Variants in RGS8 observed in about 807,000 individuals in gnomAD.
RGS8 encodes regulator of G protein signaling 8.
Under a neutral mutation model 21.7 loss-of-function variants are expected in RGS8, and 8 were observed. The observed-to-expected ratio is 0.37, with a 90% CI of 0.22 to 0.66. RGS8 has a LOEUF of 0.66. RGS8 is among the 30% of genes least tolerant of loss of function. RGS8 has a pLI of 0.59. For synonymous variants in RGS8, 80 were observed against 83.6 expected (o/e 0.96, Z 0.24); for missense variants, 157 against 217.9 (o/e 0.72, Z 1.76).
the RGS8 span, among the ~76,000 whole-genome samples, chr1:182,697,595 G>GA: frequency 6.6e-6 from 1 of 152,168 alleles, no homozygotes; most frequent in African/African-American, 2.4e-5. Context: ...GACCACATAA[G>GA]AAGAACCCTT....
chr1:182,745,559 A>G, the RGS8 span, among the ~76,000 whole-genome samples: 1 of 152,248 alleles, frequency 6.6e-6, no homozygotes, highest in East Asian at 1.9e-4. Context: ...ATCATTTCAT[A>G]ATTGACTTCA....
chr1:182,656,557 T>G (rs9661855), intron 5 of RGS8, among the ~76,000 whole-genome samples: 2 of 152,158 alleles, frequency 1.3e-5, no homozygotes, highest in African/African-American at 4.8e-5. Context: ...GGCCAGGGGA[T>G]GCTGTAACGA....
the RGS8 span, among the ~76,000 whole-genome samples, chr1:182,698,673 T>TG: frequency 6.6e-6 from 1 of 152,184 alleles, no homozygotes; most frequent in Non-Finnish European, 1.5e-5. Context: ...TTTTTGTGGG[T>TG]GAAAAAAGTC....
In RGS8 at chr1:182,655,527, T is replaced by C. The variant is rs540163196; in HGVS notation, c.194-7224A>G. 1.7e-3 allele frequency among the ~76,000 whole-genome samples: 265 copies of C among 152,278 alleles called. 2 individuals carry two copies. The highest frequency in any genetic ancestry group is 6.2e-3 in the African/African-American group (259 of 41,558). On this transcript the variant is annotated intron_variant, in intron 5 of 6. Coordinates refer to ENST00000483095, the Ensembl canonical transcript of RGS8. ...GAGTTGGAGATGTGTGGTGAACTCA[T>C]AGCCAGCTCTCATTACCTGGCAGCC...
chr1:182,730,470 G>T, the RGS8 span, among the ~76,000 whole-genome samples: 48,801 of 151,836 alleles, frequency 0.32, 7,849 homozygotes, highest in African/African-American at 0.36. Context: ...AGTACTTTGG[G>T]AGGCCAAAGT....
chr1:182,646,669 T>C, exon 7 of RGS8: 2 of 1,445,556 alleles, frequency 1.4e-6, no homozygotes, highest in East Asian at 2.3e-5. Flanking sequence ...CATTTCACAT[T>C]AGAATATGAT....
At chr1:182,672,729 A>C (rs1344430158), upstream of RGS8, 8 of 1,474,024 alleles carry the variant, frequency 5.4e-6, no homozygotes, top group Non-Finnish European at 7.6e-6. Context: ...TTTGTTATGG[A>C]GTGAGACTTT....
upstream of RGS8, among the ~76,000 whole-genome samples, chr1:182,686,624 A>T (rs1306822022): frequency 1.3e-5 from 2 of 152,246 alleles, no homozygotes; most frequent in African/African-American, 4.8e-5. Context: ...GAGGAAAAGC[A>T]GACTTTGACC....
At chr1:182,676,991 CA>C (rs1307854813), upstream of RGS8, among the ~76,000 whole-genome samples, 4 of 152,162 alleles carry the variant, frequency 2.6e-5, no homozygotes, top group Admixed American at 6.5e-5. Context: ...CAGTACATCA[CA>C]CCCTATTATT....
At chr1:182,668,908 C>T (rs1664013084) in intron 3 of RGS8, among the ~76,000 whole-genome samples, 1 of 152,172 alleles carries the variant, frequency 6.6e-6, no homozygotes, top group African/African-American at 2.4e-5. Context: ...CAGACCAAAG[C>T]CCAACTTTCA....
the RGS8 span, among the ~76,000 whole-genome samples, chr1:182,698,399 G>A: frequency 2.0e-5 from 3 of 152,152 alleles, no homozygotes; most frequent in South Asian, 2.1e-4. Context: ...TAACCCTGCC[G>A]TGCCTCAGTT....
the RGS8 span, among the ~76,000 whole-genome samples, chr1:182,735,812 T>A: frequency 6.6e-6 from 1 of 152,210 alleles, no homozygotes; most frequent in African/African-American, 2.4e-5. Context: ...TCATGATTGA[T>A]CCTGATCAGC....
At chr1:182,668,296 C>T (rs1663974933) in intron 3 of RGS8, among the ~76,000 whole-genome samples, 1 of 152,212 alleles carries the variant, frequency 6.6e-6, no homozygotes, top group Non-Finnish European at 1.5e-5. Context: ...TTAAGAGTGA[C>T]TTAGAAAAAG....
downstream of RGS8, chr1:182,643,028 GGGAAACAGTCTAGGA>G (rs933982627): frequency 1.3e-5 from 2 of 152,244 alleles, no homozygotes; most frequent in Non-Finnish European, 2.9e-5. Context: ...AAACAGACAG[GGGAAACAGTCTAGGA>G]GACAAGCTTG....
At chr1:182,722,280 T>C in the RGS8 span, among the ~76,000 whole-genome samples, 1 of 150,434 alleles carries the variant, frequency 6.6e-6, no homozygotes, top group Non-Finnish European at 1.5e-5. Flanking sequence ...AAGAGTAATT[T>C]GGTCACCTAA....
At position 182,649,979 on chromosome 1, in the gene RGS8, C is replaced by G. The variant is rs1662924860; in HGVS notation, c.194-1676G>C. Among the ~76,000 whole-genome samples the G allele has an allele frequency of 2.0e-5, 3 of 149,818 alleles. No homozygotes were observed. In the South Asian group the frequency reaches 6.3e-4, roughly 31 times the overall value. ...CACGCTGGAGTGCAGTGGCACAGTT[C>G]CGACTCACTGCAACCTGTGCCTCCC... On this transcript the variant is annotated intron_variant, in intron 5 of 6. Transcript: ENST00000483095.
chr1:182,726,270 A>C, the RGS8 span, among the ~76,000 whole-genome samples: 1 of 152,030 alleles, frequency 6.6e-6, no homozygotes. Flanking sequence ...TTCTCTGTAG[A>C]ATGTTTTCAA....
the RGS8 span, among the ~76,000 whole-genome samples, chr1:182,727,672 T>C: frequency 6.6e-6 from 1 of 152,118 alleles, no homozygotes. Flanking sequence ...ATCTATTCTG[T>C]ATTTTTCTAC....
intron 4 of RGS8, 88 bp downstream of exon 5, chr1:182,666,784 T>C: frequency 1.1e-6 from 1 of 925,272 alleles, no homozygotes; most frequent in East Asian, 2.4e-5. Flanking sequence ...ATTTTTCCAG[T>C]GGCTCATCTG....
Sources: gnomAD v4.1 joint callset for allele counts (sites outside exome capture counted in the v4.1 genomes callset) on GRCh38, gnomAD v4.1.1 for gene constraint, MANE v1.5 for transcripts, NCBI Gene and HGNC (gene_info 2026-07-23, HGNC 2026-07-21) for gene names.